STAG1: variants seen among roughly 807,000 people sequenced by gnomAD.
The protein encoded by STAG1 is STAG1 cohesin complex component, also known as cohesin subunit SA-1.
STAG1 carries 26 observed loss-of-function variants against 170.9 expected under a neutral mutation model. That is an observed-to-expected ratio of 0.15 (90% CI 0.11 to 0.21). STAG1 has a LOEUF of 0.21. STAG1 is among the 10% of genes least tolerant of loss of function. STAG1 has a pLI of 1.00. For synonymous variants in STAG1, 514 were observed against 497.7 expected, an observed-to-expected ratio of 1.03 and a Z score of -0.44; for missense variants, 964 against 1,509.5, an observed-to-expected ratio of 0.64 and a Z score of 5.99.
chr3:136,382,164 G>T (rs1938004097), intron 22 of STAG1, among the ~76,000 whole-genome samples: 1 of 152,114 alleles, frequency 6.6e-6, no homozygotes, highest in African/African-American at 2.4e-5. Context: ...TACTCCCTCA[G>T]ATTTCTTGAT....
At chr3:136,684,125 C>T (rs1388170003) in intron 1 of STAG1, among the ~76,000 whole-genome samples, 3 of 152,152 alleles carry the variant, frequency 2.0e-5, no homozygotes, top group Admixed American at 1.3e-4. Flanking sequence ...ATAGATTCAA[C>T]ATAATCCCAA....
chr3:136,578,102 G>A (rs2080366358), intron 4 of STAG1, among the ~76,000 whole-genome samples: 2 of 152,198 alleles, frequency 1.3e-5, no homozygotes, highest in Admixed American at 6.5e-5. Flanking sequence ...ATAGTGAAGG[G>A]AGTAACTATA....
intron 27 of STAG1, among the ~76,000 whole-genome samples, chr3:136,358,324 ATTGGCCTCCT>A (rs1040463739): frequency 1.3e-5 from 2 of 151,994 alleles, no homozygotes; most frequent in Admixed American, 6.6e-5. Flanking sequence ...GGCTCAAGCA[ATTGGCCTCCT>A]TTGGCCTCCC....
intron 13 of STAG1, among the ~76,000 whole-genome samples, chr3:136,453,720 A>G (rs1407506539): frequency 6.6e-6 from 1 of 152,068 alleles, no homozygotes; most frequent in East Asian, 1.9e-4. Context: ...TAAACGGTAG[A>G]TAAGTATATA....
Position 136,368,098 on chromosome 3 carries a change from A to AT in STAG1, c.2545+1009dup, listed in dbSNP as rs1156975092. Among the ~76,000 whole-genome samples, 6 of 152,216 alleles carry AT rather than the reference A, an allele frequency of 3.9e-5. No homozygotes were observed. In the South Asian group the frequency reaches 6.2e-4, roughly 16 times the overall value. On this transcript the variant is annotated intron_variant, in intron 24 of 33. Transcript: ENST00000383202. ...AGCATCAGTGGTTTGAGAAGAACAC[A>AT]TTTTTTTGCTTAAGACAAGTAGCAG...
chr3:136,384,958 T>C (rs2086831600), intron 22 of STAG1, among the ~76,000 whole-genome samples: 1 of 152,174 alleles, frequency 6.6e-6, no homozygotes, highest in Non-Finnish European at 1.5e-5. Context: ...ACAAATCCCC[T>C]TTCTAGTCAG....
At chr3:136,346,486 TTC>T (rs1239419120) in intron 29 of STAG1, among the ~76,000 whole-genome samples, 1 of 152,226 alleles carries the variant, frequency 6.6e-6, no homozygotes, top group African/African-American at 2.4e-5. Flanking sequence ...CAAAAAAGTT[TTC>T]TTTTTTTAAT....
chr3:136,747,886 C>T (rs1935026642), intron 1 of STAG1, among the ~76,000 whole-genome samples: 1 of 150,874 alleles, frequency 6.6e-6, no homozygotes, highest in South Asian at 2.1e-4. Flanking sequence ...ACACCATTCT[C>T]CTGCCTCAGC....
At chr3:136,751,990 G>T (rs1334762490) in intron 1 of STAG1, among the ~76,000 whole-genome samples, 1 of 150,776 alleles carries the variant, frequency 6.6e-6, no homozygotes, top group African/African-American at 2.4e-5. Flanking sequence ...GCACTCGGAC[G>T]GCCCACGACC....
chr3:136,707,348 C>A (rs1943256165), intron 1 of STAG1, among the ~76,000 whole-genome samples: 1 of 152,070 alleles, frequency 6.6e-6, no homozygotes, highest in Non-Finnish European at 1.5e-5. Flanking sequence ...CAACAAAAGA[C>A]AAACAATCCA....
At chr3:136,631,930 C>T (rs1940347644) in intron 1 of STAG1, among the ~76,000 whole-genome samples, 1 of 151,984 alleles carries the variant, frequency 6.6e-6, no homozygotes, top group Middle Eastern at 3.2e-3. Context: ...GATGTAAGAT[C>T]AGAGAATTCC....
In STAG1 at chr3:136,568,826, T is replaced by C; in HGVS notation, c.333A>G (p.Gln111=). The part of the protein sequence containing the change: ...VVDDWIESYK[Q]DRDIALLDLI... ...AATCCAGAAGTGCGATGTCCCTGTC[T>C]TGTTTATATGATTCAATCCAGTCAT... is the stretch of plus-strand genomic sequence containing the variant. The change falls in exon 5 of 34, where the codon CAA becomes CAG. Residue 111 remains glutamine, a synonymous_variant. Coordinates refer to ENST00000383202, the MANE Select transcript of STAG1 (RefSeq NM_005862.3). The C allele has an allele frequency of 6.2e-7, 1 of 1,612,500 alleles. No individual in the cohort carries two copies. The highest frequency in any genetic ancestry group is 1.7e-5 in the Admixed American group (1 of 59,994).
At chr3:136,725,844 A>C (rs1933633928) in intron 1 of STAG1, among the ~76,000 whole-genome samples, 1 of 152,210 alleles carries the variant, frequency 6.6e-6, no homozygotes, top group African/African-American at 2.4e-5. Context: ...TAAAATTTTA[A>C]AAATCAGAAC....
intron 3 of STAG1, among the ~76,000 whole-genome samples, chr3:136,606,695 T>C (rs923366865): frequency 6.6e-6 from 1 of 152,126 alleles, no homozygotes; most frequent in Non-Finnish European, 1.5e-5. Flanking sequence ...TCTGATGTTT[T>C]TGTCATAACT....
chr3:136,500,013 T>C, intron 9 of STAG1: 1 of 444,382 alleles, frequency 2.3e-6, no homozygotes, highest in Non-Finnish European at 4.1e-6. Context: ...CAACAGCATA[T>C]GTTCTGAATT....
At chr3:136,569,411 C>CA (rs1199366699) in intron 4 of STAG1, among the ~76,000 whole-genome samples, 5,754 of 85,848 alleles carry the variant, frequency 0.067, 137 homozygotes, top group Non-Finnish European at 0.072. Flanking sequence ...GTAGCCAATC[C>CA]AAAAAAAAAA....
intron 20 of STAG1, among the ~76,000 whole-genome samples, chr3:136,419,703 T>C (rs2087893327): frequency 6.6e-6 from 1 of 150,780 alleles, no homozygotes; most frequent in Non-Finnish European, 1.5e-5. Context: ...GCTCAAGTGA[T>C]CCACCTATCT....
chr3:136,661,805 T>C (rs894272990), intron 1 of STAG1, among the ~76,000 whole-genome samples: 4 of 152,204 alleles, frequency 2.6e-5, no homozygotes, highest in African/African-American at 9.6e-5. Flanking sequence ...GCAACTAACA[T>C]GCATTAATTC....
intron 6 of STAG1, among the ~76,000 whole-genome samples, chr3:136,523,998 C>T (rs1342694986): frequency 1.3e-5 from 2 of 152,046 alleles, no homozygotes; most frequent in Non-Finnish European, 2.9e-5. Context: ...GTTACTGTAG[C>T]CTTGTAGTAT....
Sources: allele counts gnomAD v4.1 joint callset (sites outside exome capture counted in the v4.1 genomes callset), GRCh38; gene constraint gnomAD v4.1.1; transcripts MANE v1.5; gene names NCBI Gene and HGNC (gene_info 2026-07-23, HGNC 2026-07-21).